The following ALK variants were observed in gnomAD, a reference collection of about 807,000 sequenced individuals.
ALK encodes ALK tyrosine kinase receptor.
ALK carries 74 observed loss-of-function variants against 163.1 expected under a neutral mutation model. That is an observed-to-expected ratio of 0.45 (90% CI 0.38 to 0.55). The LOEUF (loss-of-function observed/expected upper bound fraction) is 0.55. ALK is among the 20% of genes least tolerant of loss of function. ALK has a pLI of 0.00. For synonymous variants in ALK, 960 were observed against 843.2 expected (o/e 1.14, Z -2.40); for missense variants, 2,063 against 2,105.3 (o/e 0.98, Z 0.39).
intron 1 of ALK, among the ~76,000 whole-genome samples, chr2:29,758,102 T>C (rs1172707826): frequency 6.6e-6 from 1 of 150,986 alleles, no homozygotes; most frequent in Non-Finnish European, 1.5e-5. Context: ...CCTCTGCCTC[T>C]TGGGCTCAAG....
chr2:29,509,265 A>G lies in ALK; in HGVS notation c.1154+22650T>C, dbSNP rs187828828. Among the ~76,000 whole-genome samples the G allele has an allele frequency of 6.6e-5, 10 of 152,328 alleles. No individual in the cohort carries two copies. The East Asian group carries it at 1.9e-3, about 29-fold the overall frequency. On this transcript the variant is annotated intron_variant, in intron 4 of 28. Transcript: ENST00000389048. ...TATTGATTTCGGCTTCATCTCTCAC[A>G]GAAGCATCCTCAACACATCCCTGGT...
Position 29,193,160 on chromosome 2 carries a change from A to ATTGG in ALK, c.*63_*64insCCAA. The ATTGG allele has an allele frequency of 1.3e-6, 2 of 1,488,746 alleles. No homozygotes were observed. Among genetic ancestry groups the ATTGG allele is most frequent in the South Asian group, 2.3e-5 (2 of 85,234 alleles). 92.2% of individuals were successfully genotyped at this position (1,488,746 alleles called of 1,614,324 possible). On this transcript the variant is annotated 3_prime_UTR_variant, in exon 29 of 29. Transcript: ENST00000389048. ...TTGGTCTCTGGTTTGTGAAGGAGCC[A>ATTGG]TTGCCTCTCTCTCCTCCACGGTCTT...
At chr2:29,257,721 AT>A (rs753000456) in intron 11 of ALK, among the ~76,000 whole-genome samples, 1 of 152,206 alleles carries the variant, frequency 6.6e-6, no homozygotes, top group Non-Finnish European at 1.5e-5. Flanking sequence ...ATTGAATTTC[AT>A]CCACATCCAC....
At chr2:29,471,707 T>A (rs1446734171) in intron 4 of ALK, among the ~76,000 whole-genome samples, 2 of 151,942 alleles carry the variant, frequency 1.3e-5, no homozygotes, top group African/African-American at 4.8e-5. Context: ...CAGAGTAGAA[T>A]GCAGTGGCAA....
intron 4 of ALK, among the ~76,000 whole-genome samples, chr2:29,456,277 A>G (rs1438835280): frequency 6.6e-6 from 1 of 152,216 alleles, no homozygotes; most frequent in Non-Finnish European, 1.5e-5. Context: ...ACCCACGTTC[A>G]TGGCAGCCAA....
chr2:29,266,968 T>A (rs903768842), intron 11 of ALK, among the ~76,000 whole-genome samples: 2 of 152,128 alleles, frequency 1.3e-5, no homozygotes, highest in African/African-American at 4.8e-5. Context: ...TGTAACCTCC[T>A]CCCTTTGAGT....
At chr2:29,334,087 G>A (rs914872331) in intron 5 of ALK, among the ~76,000 whole-genome samples, 2 of 152,026 alleles carry the variant, frequency 1.3e-5, no homozygotes, top group African/African-American at 4.8e-5. Flanking sequence ...TTCCTCTTTC[G>A]GCCCTGGGGA....
intron 1 of ALK, among the ~76,000 whole-genome samples, chr2:29,904,164 T>C (rs921990614): frequency 5.9e-5 from 9 of 152,202 alleles, no homozygotes; most frequent in African/African-American, 2.2e-4. Flanking sequence ...TTTTCTGCTG[T>C]GAAATTAAAA....
chr2:29,685,862 C>T (rs780450532), intron 3 of ALK, among the ~76,000 whole-genome samples: 2 of 152,282 alleles, frequency 1.3e-5, no homozygotes, highest in Non-Finnish European at 2.9e-5. Context: ...TCTTCTTTCC[C>T]AGCCCTTAGA....
chr2:29,739,798 T>G (rs941901362), intron 1 of ALK, among the ~76,000 whole-genome samples: 3 of 152,116 alleles, frequency 2.0e-5, no homozygotes, highest in African/African-American at 7.3e-5. Flanking sequence ...TGTTTCAATG[T>G]GAGTTCACTC....
chr2:29,861,029 G>GCCA (rs1666277601), intron 1 of ALK, among the ~76,000 whole-genome samples: 2 of 152,098 alleles, frequency 1.3e-5, no homozygotes, highest in African/African-American at 2.4e-5. Context: ...AAAAGTGGTT[G>GCCA]GGTATGGTGG....
At chr2:29,399,377 C>T (rs1669389014) in intron 4 of ALK, among the ~76,000 whole-genome samples, 1 of 152,202 alleles carries the variant, frequency 6.6e-6, no homozygotes, top group African/African-American at 2.4e-5. Flanking sequence ...CACTCTTTAC[C>T]ATCTAAGAGG....
At chr2:29,300,403 G>C (rs1666334808) in intron 8 of ALK, among the ~76,000 whole-genome samples, 1 of 151,978 alleles carries the variant, frequency 6.6e-6, no homozygotes, top group African/African-American at 2.4e-5. Flanking sequence ...ACAAAAATTA[G>C]CCAGGTGTGG....
At chr2:29,896,092 C>T (rs886155898) in intron 1 of ALK, among the ~76,000 whole-genome samples, 23 of 152,150 alleles carry the variant, frequency 1.5e-4, no homozygotes, top group Admixed American at 1.4e-3. Flanking sequence ...CAAACTGCCA[C>T]AGAAGCTGCA....
chr2:29,713,835 A>T (rs6751532), intron 2 of ALK, among the ~76,000 whole-genome samples: 1,690 of 152,062 alleles, frequency 0.011, 33 homozygotes, highest in African/African-American at 0.039. Flanking sequence ...TTTGCAATGT[A>T]TCATGTTTTT....
At position 29,909,610 on chromosome 2, in the gene ALK, A is replaced by G. The variant is rs566064445; in HGVS notation, c.667+10383T>C. Among the ~76,000 whole-genome samples the G allele has an allele frequency of 9.8e-5, 15 of 152,344 alleles. No homozygotes were observed. The East Asian group carries it at 2.9e-3, about 29-fold the overall frequency. ...ACAGTGAGATTCCACAAGACTAAGC[A>G]AAGAGCAGCTACCAAGTAAAGAATA... is the stretch of plus-strand genomic sequence containing the variant. On this transcript the variant is annotated intron_variant, in intron 1 of 28. Coordinates refer to ENST00000389048, the MANE Select transcript of ALK (RefSeq NM_004304.5).
At chr2:29,457,828 G>A (rs1670994618) in intron 4 of ALK, among the ~76,000 whole-genome samples, 1 of 152,098 alleles carries the variant, frequency 6.6e-6, no homozygotes, top group Non-Finnish European at 1.5e-5. Flanking sequence ...TCTCATGGAT[G>A]AGGAAACTGA....
chr2:29,366,702 C>T (rs1267071793), intron 5 of ALK, among the ~76,000 whole-genome samples: 4 of 152,026 alleles, frequency 2.6e-5, no homozygotes, highest in African/African-American at 9.7e-5. Context: ...AGAAGCCTTC[C>T]CATGTTTACT....
intron 3 of ALK, among the ~76,000 whole-genome samples, chr2:29,621,322 G>A (rs1040069019): frequency 6.6e-6 from 1 of 152,094 alleles, no homozygotes; most frequent in South Asian, 2.1e-4. Flanking sequence ...AGGTAGAAAA[G>A]ATATCTGTTT....
Sources: allele counts gnomAD v4.1 joint callset (sites outside exome capture counted in the v4.1 genomes callset), GRCh38; gene constraint gnomAD v4.1.1; transcripts MANE v1.5; gene names NCBI Gene and HGNC (gene_info 2026-07-23, HGNC 2026-07-21).